CCDC171: variants seen among roughly 807,000 people sequenced by gnomAD.
The protein encoded by CCDC171 is coiled-coil domain-containing protein 171.
In CCDC171, 177 loss-of-function variants were observed where a neutral mutation model predicts 168.2. The ratio of observed to expected loss-of-function variants is 1.05; its 90% CI spans 0.93 to 1.19. The LOEUF (loss-of-function observed/expected upper bound fraction) is 1.19. Ranked by LOEUF, CCDC171 falls within the 50% of genes most tolerant of loss-of-function variation. The pLI is 0.00. For missense variants in CCDC171, 1,991 were observed against 1,539.0 expected (o/e 1.29, Z -4.91); for synonymous variants, 687 against 540.8 (o/e 1.27, Z -3.75).
At chr9:15,982,304 T>A (rs908455643) in intron 3 of CCDC171, among the ~76,000 whole-genome samples, 1 of 152,184 alleles carries the variant, frequency 6.6e-6, no homozygotes, top group African/African-American at 2.4e-5. Context: ...AGAACCGTAT[T>A]CACTCACCAG....
chr9:15,949,844 T>G (rs1224262117), intron 25 of CCDC171, among the ~76,000 whole-genome samples: 2 of 152,148 alleles, frequency 1.3e-5, no homozygotes, highest in African/African-American at 4.8e-5. Flanking sequence ...AACACTATGT[T>G]GAATAGGAGT....
Position 15,700,498 on chromosome 9 carries a change from C to T in CCDC171, c.1318+5161C>T, listed in dbSNP as rs2051638053. Among the ~76,000 whole-genome samples, 3 of 152,244 alleles carry T rather than the reference C, an allele frequency of 2.0e-5. No homozygotes were observed. The South Asian group carries it at 6.2e-4, about 31-fold the overall frequency. On this transcript the variant is annotated intron_variant, in intron 11 of 25. Coordinates refer to ENST00000380701, the MANE Select transcript of CCDC171 (RefSeq NM_173550.4). ...CCAGAAAGGGGCTCCCACAGTGCAGCGGTGGGCTGAAGGGCTCCTTAAGTG... is the reference window on the plus strand; with the variant it reads ...CCAGAAAGGGGCTCCCACAGTGCAGTGGTGGGCTGAAGGGCTCCTTAAGTG...
In CCDC171 at chr9:15,560,200, T is replaced by C. The variant is rs567766701; in HGVS notation, c.-111-3778T>C. Among the ~76,000 whole-genome samples, 121 of 152,256 alleles carry C rather than the reference T, an allele frequency of 7.9e-4. 1 individual carries two copies. The highest frequency in any genetic ancestry group is 1.7e-3 in the South Asian group (8 of 4,822). ...TCAACTTTGGTGAATCTGACAATTATGTGTCTTGGAGTTGCTCTTCTTGTG... is the reference window on the plus strand; with the variant it reads ...TCAACTTTGGTGAATCTGACAATTACGTGTCTTGGAGTTGCTCTTCTTGTG... On this transcript the variant is annotated intron_variant, in intron 1 of 25. Coordinates refer to ENST00000380701, the MANE Select transcript of CCDC171 (RefSeq NM_173550.4).
chr9:15,594,788 T>C (rs766639247), intron 6 of CCDC171, among the ~76,000 whole-genome samples: 3 of 152,118 alleles, frequency 2.0e-5, no homozygotes, highest in Non-Finnish European at 4.4e-5. Context: ...TTTCAGGAGA[T>C]TATATGTATT....
At chr9:15,997,702 C>T (rs957347514) in intron 3 of CCDC171, among the ~76,000 whole-genome samples, 7 of 152,186 alleles carry the variant, frequency 4.6e-5, no homozygotes, top group African/African-American at 1.7e-4. Context: ...CTCTGCTGGT[C>T]TCAGGGAATT....
At chr9:15,574,480 T>C (rs1318566521) in intron 3 of CCDC171, among the ~76,000 whole-genome samples, 1 of 152,054 alleles carries the variant, frequency 6.6e-6, no homozygotes, top group African/African-American at 2.4e-5. Context: ...AGTTTTACCA[T>C]GTTGGCCAGG....
At chr9:15,763,265 C>T (rs1316469593) in intron 18 of CCDC171, among the ~76,000 whole-genome samples, 1 of 152,150 alleles carries the variant, frequency 6.6e-6, no homozygotes, top group Non-Finnish European at 1.5e-5. Flanking sequence ...ATGACCAACC[C>T]AGGAAGCTCA....
chr9:16,072,661 C>T, the CCDC171 span, among the ~76,000 whole-genome samples: 15 of 152,186 alleles, frequency 9.9e-5, no homozygotes, highest in East Asian at 1.9e-4. Flanking sequence ...CTTCTTGGGA[C>T]GGCATCGTGA....
intron 24 of CCDC171, among the ~76,000 whole-genome samples, chr9:15,907,248 C>G (rs1332651674): frequency 6.6e-6 from 1 of 152,192 alleles, no homozygotes; most frequent in African/African-American, 2.4e-5. Flanking sequence ...TGCTACCTGA[C>G]TTCAAACTAT....
rs145481442 is a variant in CCDC171 at position 15,658,484 on chromosome 9, A to G, written c.915+1265A>G. Among the ~76,000 whole-genome samples the G allele has an allele frequency of 5.7e-3, 861 of 152,328 alleles. 11 individuals are homozygous for G. The highest frequency in any genetic ancestry group is 0.02 in the African/African-American group (829 of 41,576). ...ATAACAGTCCCTCAAAGATGTCCAC[A>G]TCTGCCCTTATCCTCAGAACCTGTG... On this transcript the variant is annotated intron_variant, in intron 8 of 25. Coordinates refer to ENST00000380701, the MANE Select transcript of CCDC171 (RefSeq NM_173550.4).
chr9:15,994,068 C>T (rs995968821), intron 3 of CCDC171, among the ~76,000 whole-genome samples: 6 of 152,194 alleles, frequency 3.9e-5, no homozygotes, highest in Non-Finnish European at 7.3e-5. Context: ...TACCATTTGA[C>T]CCAGCCATCC....
At chr9:15,990,913 C>G (rs888010949) in intron 3 of CCDC171, among the ~76,000 whole-genome samples, 4 of 152,166 alleles carry the variant, frequency 2.6e-5, no homozygotes, top group Non-Finnish European at 4.4e-5. Flanking sequence ...CAGGAGCACC[C>G]AGATTCATAA....
At position 15,599,763 on chromosome 9, in the gene CCDC171, T is replaced by G. The variant is rs540317250; in HGVS notation, c.675+5591T>G. 1.7e-4 allele frequency among the ~76,000 whole-genome samples: 26 copies of G among 152,322 alleles called. 2 individuals are homozygous for G. In the South Asian group the frequency reaches 5.2e-3, roughly 30 times the overall value. On this transcript the variant is annotated intron_variant, in intron 6 of 25. Coordinates refer to ENST00000380701, the MANE Select transcript of CCDC171 (RefSeq NM_173550.4). ...GAGTGTTCTCCACTTGGTTCCATTC[T>G]GCCCGTCACTTTCAGGTACACCCAT...
intron 4 of CCDC171, among the ~76,000 whole-genome samples, chr9:15,586,495 C>A (rs1343008789): frequency 6.6e-6 from 1 of 151,990 alleles, no homozygotes; most frequent in African/African-American, 2.4e-5. Flanking sequence ...TGGGGAAAAC[C>A]GAAAGAGAAA....
intron 25 of CCDC171, among the ~76,000 whole-genome samples, chr9:15,951,049 G>A (rs1374209960): frequency 6.7e-6 from 1 of 148,432 alleles, no homozygotes; most frequent in East Asian, 2.0e-4. Context: ...AATGGTAAAG[G>A]GATCAATTCA....
intron 24 of CCDC171, among the ~76,000 whole-genome samples, chr9:15,914,021 G>T (rs952649030): frequency 6.6e-6 from 1 of 152,164 alleles, no homozygotes; most frequent in African/African-American, 2.4e-5. Context: ...TGGAAGCTTC[G>T]TCCCAGAGGG....
intron 22 of CCDC171, among the ~76,000 whole-genome samples, chr9:15,848,632 C>G (rs1689364700): frequency 6.6e-6 from 1 of 151,238 alleles, no homozygotes; most frequent in Admixed American, 6.6e-5. Flanking sequence ...CTCCCCCACC[C>G]CAATTTAGGA....
chr9:15,790,404 G>T (rs1221479638), intron 21 of CCDC171, among the ~76,000 whole-genome samples: 2 of 152,210 alleles, frequency 1.3e-5, no homozygotes, highest in African/African-American at 4.8e-5. Context: ...CTTTTGAGAA[G>T]TGTCTGTTCA....
intron 7 of CCDC171, among the ~76,000 whole-genome samples, chr9:15,625,028 T>C (rs1332121055): frequency 6.6e-6 from 1 of 152,264 alleles, no homozygotes; most frequent in Non-Finnish European, 1.5e-5. Context: ...TAAGATGGTA[T>C]CTCATTGTGG....
Sources: allele counts gnomAD v4.1 joint callset (sites outside exome capture counted in the v4.1 genomes callset), GRCh38; gene constraint gnomAD v4.1.1; transcripts MANE v1.5; gene names NCBI Gene and HGNC (gene_info 2026-07-23, HGNC 2026-07-21).